Variants in PDE1A observed in about 807,000 individuals in gnomAD.
The protein encoded by PDE1A is dual specificity calcium/calmodulin-dependent 3',5'-cyclic nucleotide phosphodiesterase 1A.
PDE1A carries 35 observed loss-of-function variants against 61.7 expected under a neutral mutation model. The observed-to-expected ratio is 0.57, with a 90% CI of 0.43 to 0.75. The LOEUF (loss-of-function observed/expected upper bound fraction) is 0.75, where lower values mean the gene tolerates loss of function less well. Ranked by LOEUF, PDE1A falls within the 30% of genes least tolerant of loss-of-function variation. The probability of loss-of-function intolerance (pLI) is 0.00; values close to 1 mark genes in which losing one functional copy is unlikely to be tolerated. For synonymous variants in PDE1A, 232 were observed against 213.2 expected, an observed-to-expected ratio of 1.09 and a Z score of -0.77; for missense variants, 597 against 630.6, an observed-to-expected ratio of 0.95 and a Z score of 0.57.
At chr2:182,327,147 T>C (rs967626855) in intron 1 of PDE1A, among the ~76,000 whole-genome samples, 6 of 152,188 alleles carry the variant, frequency 3.9e-5, no homozygotes, top group African/African-American at 1.4e-4. Context: ...CTGACATTTC[T>C]TTGAACAAGA....
At chr2:182,144,640 G>A (rs1241481767), downstream of PDE1A, among the ~76,000 whole-genome samples, 2 of 152,086 alleles carry the variant, frequency 1.3e-5, no homozygotes, top group Middle Eastern at 3.4e-3. Flanking sequence ...GGCTTTCAGA[G>A]ACATGGCCAG....
chr2:182,242,924 CTCGTGTGTGTAT>C, intron 2 of PDE1A, among the ~76,000 whole-genome samples: 1 of 39,424 alleles, frequency 2.5e-5, no homozygotes, highest in South Asian at 1.1e-3. Flanking sequence ...CTCTCTCTCT[CTCGTGTGTGTAT>C]GTGTGTGTGT....
chr2:182,366,382 G>C (rs1699838585), intron 1 of PDE1A, among the ~76,000 whole-genome samples: 1 of 151,990 alleles, frequency 6.6e-6, no homozygotes. Context: ...TGACATTTCT[G>C]TTAGAGCTGG....
At chr2:182,258,335 A>T (rs1037402289) in intron 2 of PDE1A, among the ~76,000 whole-genome samples, 5 of 152,190 alleles carry the variant, frequency 3.3e-5, no homozygotes, top group African/African-American at 1.2e-4. Context: ...GGAAAAAAAT[A>T]GGTAAGAAGA....
chr2:182,424,176 C>A (rs1433918265), intron 1 of PDE1A, among the ~76,000 whole-genome samples: 1 of 152,122 alleles, frequency 6.6e-6, no homozygotes. Context: ...AACTCCTGAA[C>A]TCAGGCGATC....
At position 182,211,305 on chromosome 2, in the gene PDE1A, T is replaced by C. The variant is rs186098231; in HGVS notation, c.777-5240A>G. 3.4e-3 allele frequency among the ~76,000 whole-genome samples: 524 copies of C among 152,354 alleles called. 2 individuals are homozygous for C. The highest frequency in any genetic ancestry group is 0.012 in the African/African-American group (509 of 41,578). On this transcript the variant is annotated intron_variant, in intron 7 of 13. Coordinates refer to ENST00000351439, the Ensembl canonical transcript of PDE1A. Reference sequence around the variant, plus strand: ...CTTCACTGTATTGCTTTTACTCCTTTGTCAAAGATCAGTTGACTATATTTT... The same window carrying C: ...CTTCACTGTATTGCTTTTACTCCTTCGTCAAAGATCAGTTGACTATATTTT...
In PDE1A at chr2:182,229,060, C is replaced by T. The variant is rs539727287; in HGVS notation, c.675+946G>A. Among the ~76,000 whole-genome samples the T allele has an allele frequency of 3.9e-4, 60 of 152,236 alleles. 1 individual carries two copies. The highest frequency in any genetic ancestry group is 6.3e-4 in the Non-Finnish European group (43 of 68,010). On this transcript the variant is annotated intron_variant, in intron 6 of 13. Transcript: ENST00000351439. ...CCTTATAATTCTGAGGGTAAAACCA[C>T]ATTGTGGATTTGATTTTCTCTATTT...
At chr2:182,419,308 A>G (rs900382921) in intron 1 of PDE1A, among the ~76,000 whole-genome samples, 1 of 149,246 alleles carries the variant, frequency 6.7e-6, no homozygotes, top group Non-Finnish European at 1.5e-5. Context: ...TGTAGAGTAT[A>G]TTGATTTTCT....
chr2:182,186,025 T>C, exon 13 of PDE1A: 1 of 1,614,070 alleles, frequency 6.2e-7, no homozygotes, highest in Non-Finnish European at 8.5e-7. Flanking sequence ...TGGAGCCTTT[T>C]GTATTTGATC....
chr2:182,374,004 C>T (rs562083066), intron 1 of PDE1A, among the ~76,000 whole-genome samples: 1 of 152,024 alleles, frequency 6.6e-6, no homozygotes, highest in Non-Finnish European at 1.5e-5. Context: ...CCACAGCAGT[C>T]ATTCAATTAT....
intron 2 of PDE1A, among the ~76,000 whole-genome samples, chr2:182,260,586 C>G (rs999451343): frequency 6.6e-6 from 1 of 152,096 alleles, no homozygotes; most frequent in African/African-American, 2.4e-5. Flanking sequence ...TTAGGTCTGA[C>G]CTGTGGTATG....
At chr2:182,300,900 T>C (rs1411066672) in intron 1 of PDE1A, among the ~76,000 whole-genome samples, 2 of 152,186 alleles carry the variant, frequency 1.3e-5, no homozygotes, top group African/African-American at 4.8e-5. Context: ...TCAAGCTACT[T>C]CCTCCGTCAA....
chr2:182,308,789 A>G (rs984972974), intron 1 of PDE1A, among the ~76,000 whole-genome samples: 7 of 152,212 alleles, frequency 4.6e-5, no homozygotes, highest in African/African-American at 1.2e-4. Context: ...AAGGCAAAAT[A>G]TATATGCTTC....
the PDE1A span, among the ~76,000 whole-genome samples, chr2:182,571,252 T>C: frequency 6.6e-6 from 1 of 152,198 alleles, no homozygotes. Context: ...TTTCATATGC[T>C]TTCTTTTAAA....
the PDE1A span, among the ~76,000 whole-genome samples, chr2:182,620,214 A>T: frequency 6.6e-6 from 1 of 152,106 alleles, no homozygotes; most frequent in Non-Finnish European, 1.5e-5. Flanking sequence ...TAATTGAGTC[A>T]ATTTGAGCCT....
the PDE1A span, among the ~76,000 whole-genome samples, chr2:182,638,970 T>A: frequency 6.6e-6 from 1 of 152,208 alleles, no homozygotes; most frequent in Non-Finnish European, 1.5e-5. Context: ...TGAAGACACC[T>A]CCTTTCAACA....
intron 7 of PDE1A, among the ~76,000 whole-genome samples, chr2:182,218,648 G>T (rs750050134): frequency 1.3e-5 from 2 of 151,970 alleles, no homozygotes; most frequent in Non-Finnish European, 2.9e-5. Context: ...TCTATTCCTA[G>T]TTGGAGTTTA....
At chr2:182,294,135 G>A (rs1011257584) in intron 1 of PDE1A, among the ~76,000 whole-genome samples, 5 of 152,156 alleles carry the variant, frequency 3.3e-5, no homozygotes, top group African/African-American at 1.2e-4. Context: ...TAAAAACTAC[G>A]AATTGTTTAT....
chr2:182,626,862 T>TATATATACATATATATATAC, the PDE1A span, among the ~76,000 whole-genome samples: 1 of 41,202 alleles, frequency 2.4e-5, no homozygotes, highest in Non-Finnish European at 4.6e-5. Context: ...TATATATACA[T>TATATATACATATATATATAC]ATATATATAC....
Sources: allele counts gnomAD v4.1 joint callset (sites outside exome capture counted in the v4.1 genomes callset), GRCh38; gene constraint gnomAD v4.1.1; transcripts MANE v1.5; gene names NCBI Gene and HGNC (gene_info 2026-07-23, HGNC 2026-07-21).